The following SPATA9 variants were observed in gnomAD, a reference collection of about 807,000 sequenced individuals.
The protein encoded by SPATA9 is spermatogenesis associated 9, also known as spermatogenesis-associated protein 9.
In SPATA9, 27 loss-of-function variants were observed where a neutral mutation model predicts 25.5. The observed-to-expected ratio is 1.06, with a 90% confidence interval of 0.78 to 1.46. The LOEUF (loss-of-function observed/expected upper bound fraction) is 1.46. SPATA9 is among the 40% of genes most tolerant of loss of function. The pLI is 0.00. For missense variants in SPATA9, 282 were observed against 297.5 expected (o/e 0.95, Z 0.38); for synonymous variants, 102 against 105.7 (o/e 0.97, Z 0.21).
At chr5:95,709,624 C>A in the SPATA9 span, among the ~76,000 whole-genome samples, 1 of 152,146 alleles carries the variant, frequency 6.6e-6, no homozygotes, top group Non-Finnish European at 1.5e-5. Context: ...CAGCCCGTAT[C>A]AAGGGATGAT....
At chr5:95,659,106 C>G (rs549600294) in intron 4 of SPATA9, among the ~76,000 whole-genome samples, 193 bp from the exon 5 acceptor site, 1 of 152,200 alleles carries the variant, frequency 6.6e-6, no homozygotes, top group East Asian at 1.9e-4. Context: ...ACATTACAAT[C>G]TAGAGAGCAA....
intron 1 of SPATA9, among the ~76,000 whole-genome samples, chr5:95,696,583 T>G (rs999904177): frequency 1.3e-5 from 2 of 152,190 alleles, no homozygotes; most frequent in African/African-American, 2.4e-5. Flanking sequence ...ACAGCAGCAC[T>G]CAACAAATGA....
At chr5:95,654,657 A>G (rs1750617331), downstream of SPATA9, among the ~76,000 whole-genome samples, 1 of 152,188 alleles carries the variant, frequency 6.6e-6, no homozygotes, top group South Asian at 2.1e-4. Flanking sequence ...TAACAATCGG[A>G]AACTGGTTAA....
At chr5:95,667,669 G>A (rs1294832484) in intron 3 of SPATA9, among the ~76,000 whole-genome samples, 1 of 152,172 alleles carries the variant, frequency 6.6e-6, no homozygotes, top group Non-Finnish European at 1.5e-5. Flanking sequence ...GTGAATATAT[G>A]AATTCACAGT....
At chr5:95,719,579 C>T in the SPATA9 span, 1 of 152,194 alleles carries the variant, frequency 6.6e-6, no homozygotes, top group East Asian at 1.9e-4. Context: ...GTTTTTACAT[C>T]ACTACTTGAT....
Position 95,658,744 on chromosome 5 carries a change from G to GA in SPATA9, c.643dup (p.Ser215PhefsTer17). On this transcript the variant is annotated frameshift_variant, in exon 5 of 5. Transcript: ENST00000274432. LOFTEE classifies it high-confidence loss of function. ...TGAAATGTCTGGCTTCTCCGGCAAT[G>GA]ACCTATAAGGTTTTGCTTTGATTTC... 6.2e-7 allele frequency: 1 copy of GA among 1,613,828 alleles called. No individual in the cohort carries two copies. Among genetic ancestry groups the GA allele is most frequent in the East Asian group, 2.2e-5 (1 of 44,854 alleles).
At chr5:95,731,429 C>T in the SPATA9 span, 1 of 1,197,060 alleles carries the variant, frequency 8.4e-7, no homozygotes, top group Non-Finnish European at 1.0e-6. Flanking sequence ...GTCCCGCGCC[C>T]GGCGATGTTC....
chr5:95,705,093 C>T, the SPATA9 span, among the ~76,000 whole-genome samples: 1 of 151,668 alleles, frequency 6.6e-6, no homozygotes, highest in Non-Finnish European at 1.5e-5. Context: ...TACAGATGCA[C>T]ACCACTGCAC....
chr5:95,711,676 TCTC>T, the SPATA9 span, among the ~76,000 whole-genome samples: 30 of 151,898 alleles, frequency 2.0e-4, no homozygotes, highest in East Asian at 5.0e-3. Context: ...TGAGGGAGAC[TCTC>T]CTCTTCTTCA....
At position 95,663,880 on chromosome 5, in the gene SPATA9, A is replaced by C. The variant is rs779548538; in HGVS notation, c.474+73T>G. 8.2e-4 allele frequency: 614 copies of C among 751,828 alleles called. 2 individuals carry two copies. Among genetic ancestry groups the C allele is most frequent in the Non-Finnish European group, 1.1e-3 (536 of 482,280 alleles). 46.6% of individuals were successfully genotyped at this position (751,828 alleles called of 1,614,324 possible). On this transcript the variant is annotated intron_variant, in intron 4 of 4. Coordinates refer to ENST00000274432, the MANE Select transcript of SPATA9 (RefSeq NM_031952.4). ...AACATTAAATATTGTACAGTATACT[A>C]TTGCACAGTATTATTAACATTACAC...
the SPATA9 span, among the ~76,000 whole-genome samples, chr5:95,718,059 A>T: frequency 6.6e-6 from 1 of 152,192 alleles, no homozygotes; most frequent in Non-Finnish European, 1.5e-5. Context: ...AGCATTTAAA[A>T]CCAGTTAGCT....
chr5:95,696,323 T>C (rs1025228831), intron 1 of SPATA9, among the ~76,000 whole-genome samples: 7 of 152,220 alleles, frequency 4.6e-5, no homozygotes, highest in African/African-American at 1.7e-4. Context: ...CTATGAAAAA[T>C]AACTATTTTC....
chr5:95,693,763 T>C (rs1019322584), intron 1 of SPATA9, among the ~76,000 whole-genome samples: 1 of 152,238 alleles, frequency 6.6e-6, no homozygotes. Flanking sequence ...GACATCTTTC[T>C]CTTTTTTGGA....
downstream of SPATA9, chr5:95,652,442 C>G: frequency 7.4e-7 from 1 of 1,352,148 alleles, no homozygotes. Context: ...ACTTGGATGT[C>G]TCTGAGATAC....
Position 95,682,588 on chromosome 5 carries a change from G to A in SPATA9, c.90C>T (p.Asp30=). ...RIEGIQKAIM[D]LVDEFKDEFP... ...ATTCATCTTTAAACTCATCTACAAG[G>A]TCCATGATTGCTTTCTGGATCCCCT... The change falls in exon 2 of 5, where the codon GAC becomes GAT. Residue 30 remains aspartate (D), a synonymous_variant. Coordinates refer to ENST00000274432, the MANE Select transcript of SPATA9 (RefSeq NM_031952.4). The A allele has an allele frequency of 6.2e-7, 1 of 1,613,632 alleles. No individual in the cohort carries two copies. The highest frequency in any genetic ancestry group is 1.3e-5 in the African/African-American group (1 of 74,980).
the SPATA9 span, chr5:95,731,123 T>C: frequency 9.5e-7 from 1 of 1,049,182 alleles, no homozygotes; most frequent in Non-Finnish European, 1.2e-6. Context: ...GTTGTATTTA[T>C]TAATTTATAT....
chr5:95,697,633 A>G (rs1199133439), intron 1 of SPATA9, among the ~76,000 whole-genome samples: 1 of 152,242 alleles, frequency 6.6e-6, no homozygotes, highest in African/African-American at 2.4e-5. Context: ...ATGTGTAGCC[A>G]CAGCTACAAA....
upstream of SPATA9, among the ~76,000 whole-genome samples, chr5:95,700,323 G>A (rs1326506836): frequency 1.3e-5 from 2 of 150,352 alleles, no homozygotes; most frequent in African/African-American, 4.9e-5. Context: ...TTGTTTAGAT[G>A]GAGTCTCACT....
chr5:95,721,225 T>G, the SPATA9 span, among the ~76,000 whole-genome samples: 1 of 152,204 alleles, frequency 6.6e-6, no homozygotes, highest in Non-Finnish European at 1.5e-5. Flanking sequence ...ATCTCTAACT[T>G]AGTGGAGAAG....
Sources: gnomAD v4.1 joint callset for allele counts (sites outside exome capture counted in the v4.1 genomes callset) on GRCh38, gnomAD v4.1.1 for gene constraint, MANE v1.5 for transcripts, NCBI Gene and HGNC (gene_info 2026-07-23, HGNC 2026-07-21) for gene names.